Variants in BCAS3 observed in about 807,000 individuals in gnomAD.
BCAS3 encodes BCAS4/BCAS3 fusion.
BCAS3 carries 53 observed loss-of-function variants against 116.1 expected under a neutral mutation model. The observed-to-expected ratio is 0.46, with a 90% CI of 0.37 to 0.57. BCAS3 has a LOEUF of 0.57. Ranked by LOEUF, BCAS3 falls within the 20% of genes least tolerant of loss-of-function variation. BCAS3 has a pLI of 0.00. For missense variants in BCAS3, 917 were observed against 1,165.4 expected (o/e 0.79, Z 3.10); for synonymous variants, 391 against 408.2 (o/e 0.96, Z 0.51).
intron 7 of BCAS3, among the ~76,000 whole-genome samples, chr17:60,863,274 T>A (rs1231227001): frequency 3.3e-5 from 5 of 152,210 alleles, no homozygotes; most frequent in African/African-American, 1.2e-4. Context: ...TGTATGCCTA[T>A]ACCAGTACCA....
chr17:60,682,703 G>T (rs1295754038), intron 2 of BCAS3, among the ~76,000 whole-genome samples: 1 of 152,026 alleles, frequency 6.6e-6, no homozygotes, highest in African/African-American at 2.4e-5. Flanking sequence ...TGTATATTTA[G>T]TAGCGACAGG....
intron 6 of BCAS3, among the ~76,000 whole-genome samples, chr17:60,757,502 A>G (rs910423727): frequency 2.1e-5 from 3 of 145,514 alleles, no homozygotes; most frequent in African/African-American, 5.2e-5. Flanking sequence ...TTTTTCTTGT[A>G]TTTCCATGAT....
chr17:61,130,384 A>C lies in BCAS3; in HGVS notation c.2425+45820A>C, dbSNP rs1221353901. 6.6e-6 allele frequency among the ~76,000 whole-genome samples: 1 copy of C among 152,176 alleles called. No homozygotes were observed. On this transcript the variant is annotated intron_variant, in intron 22 of 23. Coordinates refer to ENST00000407086, the MANE Select transcript of BCAS3 (RefSeq NM_017679.5). This position sits in a 1 kb window ranked among gnomAD's most constrained non-coding sequence, Gnocchi z 5.0. ...CTCGTATCCAAAAGAACCACAATAC[A>C]ACCCAAGACCCCAATCATTAGAATA...
chr17:60,735,121 A>G (rs1300713318), intron 5 of BCAS3, among the ~76,000 whole-genome samples: 1 of 152,112 alleles, frequency 6.6e-6, no homozygotes, highest in East Asian at 1.9e-4. Flanking sequence ...TTCAAATTCC[A>G]CTTGTTTAAT....
At position 61,361,889 on chromosome 17, in the gene BCAS3, T is replaced by TC. The variant is rs1212703448; in HGVS notation, c.2426-6436dup. ...CCGACAGAGAGAACAAATTTGCCTT[T>TC]CCTCCACCTTTTTAATATATTTAGG... On this transcript the variant is annotated intron_variant, in intron 22 of 23. Transcript: ENST00000407086. This position sits in a 1 kb window ranked among gnomAD's most constrained non-coding sequence, Gnocchi z 6.5. 2.0e-5 allele frequency: 3 copies of TC among 152,116 alleles called. 1 individual carries two copies. In the East Asian group the frequency reaches 5.8e-4, roughly 29 times the overall value. 9.4% of individuals were successfully genotyped at this position (152,116 alleles called of 1,614,324 possible).
chr17:60,855,943 A>G (rs2053635895), intron 7 of BCAS3, among the ~76,000 whole-genome samples: 1 of 152,132 alleles, frequency 6.6e-6, no homozygotes, highest in African/African-American at 2.4e-5. Flanking sequence ...TTGGCCTTGC[A>G]CAGTGCTGGG....
At chr17:61,335,197 C>T (rs1360083055) in intron 22 of BCAS3, among the ~76,000 whole-genome samples, 1 of 152,226 alleles carries the variant, frequency 6.6e-6, no homozygotes, top group African/African-American at 2.4e-5. Flanking sequence ...CACTAAAGTC[C>T]GCAGGCCTTG....
chr17:60,808,052 T>C lies in BCAS3; in HGVS notation c.452T>C (p.Val151Ala), dbSNP rs201042830. ...GCTGAAAAAAGACCCCTCCTTGGTG[T>C]TTGTAAGAGCATTGGATCTTCTGGG... is the stretch of plus-strand genomic sequence containing the variant. Reference protein sequence around the residue: ...NFAEKRPLLGVCKSIGSSGTS... With the variant: ...NFAEKRPLLGACKSIGSSGTS... Residue 151 changes from valine (V) to alanine (A), a missense_variant, in exon 7 of 24, where the codon GTT becomes GCT. Coordinates refer to ENST00000407086, the MANE Select transcript of BCAS3 (RefSeq NM_017679.5). 2.1e-4 allele frequency: 339 copies of C among 1,607,878 alleles called. No individual in the cohort carries two copies. The highest frequency in any genetic ancestry group is 2.7e-4 in the Non-Finnish European group (312 of 1,176,498).
intron 3 of BCAS3, chr17:60,688,827 A>G (rs957404042): frequency 3.9e-5 from 6 of 152,356 alleles, no homozygotes; most frequent in African/African-American, 1.4e-4. Context: ...AAAAAAAAAA[A>G]AAAGAAAGAA....
chr17:60,851,471 T>G, intron 7 of BCAS3: 1 of 523,948 alleles, frequency 1.9e-6, no homozygotes, highest in Non-Finnish European at 3.8e-6. Context: ...AACTTGCTCC[T>G]GCAAAAATGG....
chr17:60,919,873 C>T (rs2058982780), intron 12 of BCAS3, among the ~76,000 whole-genome samples: 1 of 151,926 alleles, frequency 6.6e-6, no homozygotes, highest in Non-Finnish European at 1.5e-5. Context: ...TAAGAAATTA[C>T]TCAGAAAAAG....
intron 22 of BCAS3, among the ~76,000 whole-genome samples, chr17:61,312,948 CAGTT>C (rs146928398): frequency 6.6e-6 from 1 of 152,350 alleles, no homozygotes; most frequent in East Asian, 1.9e-4. Flanking sequence ...CCACCTCACT[CAGTT>C]AGAAGAAATG....
intron 14 of BCAS3, among the ~76,000 whole-genome samples, chr17:60,987,670 A>G (rs2063232489): frequency 6.6e-6 from 1 of 152,034 alleles, no homozygotes; most frequent in African/African-American, 2.4e-5. Context: ...TGATTGTTGT[A>G]TGTTGATTTT....
At chr17:60,842,918 C>A (rs1371178197) in intron 7 of BCAS3, among the ~76,000 whole-genome samples, 1 of 150,760 alleles carries the variant, frequency 6.6e-6, no homozygotes, top group East Asian at 1.9e-4. Flanking sequence ...GTTGCCCAGA[C>A]TAGAGTGCAG....
rs1281769790 is a variant in BCAS3 at position 61,224,978 on chromosome 17, A to T, written c.2425+140414A>T. 6.6e-6 allele frequency among the ~76,000 whole-genome samples: 1 copy of T among 152,182 alleles called. No homozygotes were observed. The highest frequency in any genetic ancestry group is 1.5e-5 in the Non-Finnish European group (1 of 68,040). ...ACAAAGAGAGAAACATTAGGATTGA[A>T]TGCAAGCCATTTCATGTTGATAGGC... On this transcript the variant is annotated intron_variant, in intron 22 of 23. Coordinates refer to ENST00000407086, the MANE Select transcript of BCAS3 (RefSeq NM_017679.5). This position sits in a 1 kb window ranked among gnomAD's most constrained non-coding sequence, Gnocchi z 5.7.
chr17:61,260,128 A>G (rs1420953878), intron 22 of BCAS3, among the ~76,000 whole-genome samples: 1 of 152,208 alleles, frequency 6.6e-6, no homozygotes, highest in Non-Finnish European at 1.5e-5. Flanking sequence ...ACTTAACTTC[A>G]AAGCCCTGTT....
chr17:61,205,342 C>A lies in BCAS3; in HGVS notation c.2425+120778C>A, dbSNP rs2081060827. On this transcript the variant is annotated intron_variant, in intron 22 of 23. Transcript: ENST00000407086. The surrounding 1 kb of genome is among the most constrained non-coding windows in gnomAD (Gnocchi z 5.2). ...CAGCTGGACTTCCTGGTGGGCCTCC[C>A]ACATTGTCAACATCAGTACCATTTA... Among the ~76,000 whole-genome samples, 1 of 152,188 alleles carries A rather than the reference C, an allele frequency of 6.6e-6. No homozygotes were observed. The highest frequency in any genetic ancestry group is 1.5e-5 in the Non-Finnish European group (1 of 68,036).
rs1457793820 is a variant in BCAS3 at position 61,326,495 on chromosome 17, T to C, written c.2426-41832T>C. ...GACCTTACTGTGGAAGACAGGAGAC[T>C]GTTAGAGAAGTCGAGTAGAACATGA... On this transcript the variant is annotated intron_variant, in intron 22 of 23. Transcript: ENST00000407086. This position sits in a 1 kb window ranked among gnomAD's most constrained non-coding sequence, Gnocchi z 5.3. Among the ~76,000 whole-genome samples the C allele has an allele frequency of 6.6e-6, 1 of 152,188 alleles. No individual in the cohort carries two copies.
chr17:61,334,550 G>A (rs1243897530), intron 22 of BCAS3, among the ~76,000 whole-genome samples: 1 of 150,856 alleles, frequency 6.6e-6, no homozygotes, highest in Non-Finnish European at 1.5e-5. Flanking sequence ...CGTATTCCCA[G>A]CTACTCAGGA....
Sources: gnomAD v4.1 joint callset for allele counts (sites outside exome capture counted in the v4.1 genomes callset) on GRCh38, gnomAD v4.1.1 for gene constraint, Gnocchi (gnomAD v3.1) non-coding constraint, MANE v1.5 for transcripts, NCBI Gene and HGNC (gene_info 2026-07-23, HGNC 2026-07-21) for gene names.